SFMBT2: variants seen among roughly 807,000 people sequenced by gnomAD.
The protein encoded by SFMBT2 is Scm like with four mbt domains 2, also known as scm-like with four MBT domains protein 2.
In SFMBT2, 38 loss-of-function variants were observed where a neutral mutation model predicts 110.1. The ratio of observed to expected loss-of-function variants is 0.35; its 90% CI spans 0.27 to 0.45. The LOEUF (loss-of-function observed/expected upper bound fraction) is 0.45, where lower values mean the gene tolerates loss of function less well. Ranked by LOEUF, SFMBT2 falls within the 20% of genes least tolerant of loss-of-function variation. The probability of loss-of-function intolerance (pLI) is 1.00; values close to 1 mark genes in which losing one functional copy is unlikely to be tolerated. For synonymous variants in SFMBT2, 425 were observed against 425.4 expected (o/e 1.00, Z 0.01); for missense variants, 1,011 against 1,094.9 (o/e 0.92, Z 1.08).
At chr10:7,369,046 A>C (rs1844992117) in intron 3 of SFMBT2, among the ~76,000 whole-genome samples, 1 of 152,244 alleles carries the variant, frequency 6.6e-6, no homozygotes, top group Admixed American at 6.5e-5. Flanking sequence ...TAAGGAATCA[A>C]ATCGGGCATG....
chr10:7,204,376 G>T, intron 12 of SFMBT2: 1 of 985,450 alleles, frequency 1.0e-6, no homozygotes, highest in Non-Finnish European at 1.2e-6. Flanking sequence ...AGGCTGTTAG[G>T]AAGAAGTAAA....
intron 20 of SFMBT2, among the ~76,000 whole-genome samples, chr10:7,165,525 A>G (rs756123120): frequency 6.6e-6 from 1 of 152,236 alleles, no homozygotes; most frequent in Non-Finnish European, 1.5e-5. Flanking sequence ...AAAAGCAACA[A>G]TATTCCCTAA....
intron 4 of SFMBT2, among the ~76,000 whole-genome samples, chr10:7,299,228 T>A (rs1174112830): frequency 2.0e-5 from 3 of 152,100 alleles, no homozygotes; most frequent in African/African-American, 7.2e-5. Context: ...AAGCCAAAAT[T>A]GACAAATAGG....
chr10:7,190,692 T>C (rs1678444734), intron 15 of SFMBT2, among the ~76,000 whole-genome samples: 1 of 152,240 alleles, frequency 6.6e-6, no homozygotes, highest in Non-Finnish European at 1.5e-5. Flanking sequence ...TGAATTATTG[T>C]GCTTTGCAAA....
chr10:7,317,467 C>T (rs1340060929), intron 4 of SFMBT2, among the ~76,000 whole-genome samples: 1 of 151,952 alleles, frequency 6.6e-6, no homozygotes. Flanking sequence ...CATGGAGAAA[C>T]CCCATCTCTA....
At chr10:7,346,003 T>C (rs189398192) in intron 4 of SFMBT2, among the ~76,000 whole-genome samples, 126 of 152,306 alleles carry the variant, frequency 8.3e-4, no homozygotes, top group Middle Eastern at 6.8e-3. Flanking sequence ...GTTGCTACCA[T>C]GTGTAGGACA....
In SFMBT2 at chr10:7,188,721, T is replaced by C. The variant is rs1347386695; in HGVS notation, c.1711A>G (p.Ile571Val). 2.5e-6 allele frequency: 4 copies of C among 1,612,446 alleles called. No homozygotes were observed. The highest frequency in any genetic ancestry group is 3.4e-6 in the Non-Finnish European group (4 of 1,179,200). The change falls in exon 16 of 21, where the codon ATA becomes GTA. Residue 571 changes from isoleucine (I) to valine (V), a missense_variant. Transcript: ENST00000397167. ...VLVLKEVLSM[I>V]INAAYKPGRV... Reference sequence around the variant, plus strand: ...CCAGGCTTGTAGGCTGCGTTGATTATCATGCTAAGAACCTTTTGGGGAAAA... The same window carrying C: ...CCAGGCTTGTAGGCTGCGTTGATTACCATGCTAAGAACCTTTTGGGGAAAA...
chr10:7,271,811 G>A (rs1841595283), intron 7 of SFMBT2, among the ~76,000 whole-genome samples: 1 of 152,172 alleles, frequency 6.6e-6, no homozygotes, highest in Admixed American at 6.5e-5. Flanking sequence ...GACAAGAGAA[G>A]AGAGCTTCTG....
intron 4 of SFMBT2, among the ~76,000 whole-genome samples, chr10:7,332,098 G>A (rs889594981): frequency 3.3e-5 from 5 of 151,886 alleles, no homozygotes; most frequent in African/African-American, 7.3e-5. Context: ...GAAGTCATCT[G>A]CGGAGTGATG....
chr10:7,186,843 G>T (rs1290097795), intron 16 of SFMBT2, among the ~76,000 whole-genome samples: 1 of 152,210 alleles, frequency 6.6e-6, no homozygotes, highest in Non-Finnish European at 1.5e-5. Context: ...CTGTAAAGCT[G>T]TCATCATTAG....
At chr10:7,361,253 T>C (rs1844708620) in intron 4 of SFMBT2, among the ~76,000 whole-genome samples, 1 of 152,250 alleles carries the variant, frequency 6.6e-6, no homozygotes, top group Admixed American at 6.5e-5. Context: ...AATGTGATTG[T>C]TTAAGTTCCC....
At chr10:7,220,278 G>A (rs572102377) in intron 11 of SFMBT2, 133 bp downstream of exon 11, 23 of 664,866 alleles carry the variant, frequency 3.5e-5, no homozygotes, top group Admixed American at 2.1e-4. Context: ...TTAAGAACAC[G>A]GAATAATTTA....
chr10:7,200,682 T>G lies in SFMBT2; in HGVS notation c.1488-198A>C, dbSNP rs543854761. On this transcript the variant is annotated intron_variant, in intron 13 of 20. Transcript: ENST00000397167. ...TTCAGAAAAGTTGTTGTCCAATTCTTTGGATGGCCCAAGAAAGCCTGAGAC... is the reference window on the plus strand; with the variant it reads ...TTCAGAAAAGTTGTTGTCCAATTCTGTGGATGGCCCAAGAAAGCCTGAGAC... Among the ~76,000 whole-genome samples the G allele has an allele frequency of 8.5e-5, 13 of 152,320 alleles. No individual in the cohort carries two copies. The South Asian group carries it at 2.3e-3, about 27-fold the overall frequency.
chr10:7,342,566 G>A (rs1340599431), intron 4 of SFMBT2, among the ~76,000 whole-genome samples: 3 of 151,718 alleles, frequency 2.0e-5, no homozygotes, highest in Non-Finnish European at 2.9e-5. Context: ...CCGCCACCGC[G>A]CCCAGCTAAT....
intron 4 of SFMBT2, among the ~76,000 whole-genome samples, chr10:7,332,530 G>C (rs186011055): frequency 6.6e-6 from 1 of 152,306 alleles, no homozygotes; most frequent in Non-Finnish European, 1.5e-5. Context: ...ATTTGCGCTT[G>C]TAAAATAACA....
chr10:7,204,052 A>C (rs574881717), intron 12 of SFMBT2: 34 of 243,904 alleles, frequency 1.4e-4, no homozygotes, highest in Admixed American at 8.4e-4. Flanking sequence ...GGGGAAAAGA[A>C]TGTCCCTGGG....
chr10:7,379,326 T>A (rs1283588798), intron 2 of SFMBT2, among the ~76,000 whole-genome samples: 1 of 152,190 alleles, frequency 6.6e-6, no homozygotes, highest in African/African-American at 2.4e-5. Context: ...ACCAAGTGAT[T>A]CCAGGACTGG....
intron 7 of SFMBT2, among the ~76,000 whole-genome samples, chr10:7,271,119 TACTAAAAATACAAA>T (rs747357722): frequency 6.6e-6 from 1 of 151,780 alleles, no homozygotes; most frequent in Non-Finnish European, 1.5e-5. Context: ...ACCCCAGCTC[TACTAAAAATACAAA>T]AAACATTAGC....
At chr10:7,183,110 T>C (rs1013720978) in intron 16 of SFMBT2, among the ~76,000 whole-genome samples, 5 of 151,876 alleles carry the variant, frequency 3.3e-5, no homozygotes, top group African/African-American at 1.2e-4. Flanking sequence ...ATATAAATAA[T>C]CTCAGAAAGA....
Sources: allele counts gnomAD v4.1 joint callset (sites outside exome capture counted in the v4.1 genomes callset), GRCh38; gene constraint gnomAD v4.1.1; transcripts MANE v1.5; gene names NCBI Gene and HGNC (gene_info 2026-07-23, HGNC 2026-07-21).